The following QRFPR variants were observed in gnomAD, a reference collection of about 807,000 sequenced individuals.
The protein encoded by QRFPR is pyroglutamylated RFamide peptide receptor.
In QRFPR, 37 loss-of-function variants were observed where a neutral mutation model predicts 31.3. That is an observed-to-expected ratio of 1.18 (90% confidence interval 0.91 to 1.56). The LOEUF is 1.56. Ranked by LOEUF, QRFPR falls within the 40% of genes most tolerant of loss-of-function variation. The pLI is 0.00. For synonymous variants in QRFPR, 197 were observed against 192.0 expected, an observed-to-expected ratio of 1.03 and a Z score of -0.22; for missense variants, 542 against 532.5, an observed-to-expected ratio of 1.02 and a Z score of -0.18.
At chr4:121,340,814 T>G (rs1725529570) in intron 1 of QRFPR, among the ~76,000 whole-genome samples, 1 of 152,182 alleles carries the variant, frequency 6.6e-6, no homozygotes, top group Non-Finnish European at 1.5e-5. Context: ...TGTTCCTAAA[T>G]GCTATGCAAT....
At chr4:121,342,382 A>G (rs780366718) in intron 1 of QRFPR, among the ~76,000 whole-genome samples, 7 of 151,750 alleles carry the variant, frequency 4.6e-5, no homozygotes, top group Non-Finnish European at 8.8e-5. Flanking sequence ...GAGTGAGCCA[A>G]TCCCTCATAA....
chr4:121,365,665 T>TATATATATATTTTATATA (rs1560744329), intron 1 of QRFPR, among the ~76,000 whole-genome samples: 1 of 19,016 alleles, frequency 5.3e-5, no homozygotes, highest in Non-Finnish European at 8.5e-5. Context: ...TTATATATAT[T>TATATATATATTTTATATA]TTATATATTA....
chr4:121,373,786 T>C (rs1726298541), intron 1 of QRFPR, among the ~76,000 whole-genome samples: 1 of 152,256 alleles, frequency 6.6e-6, no homozygotes, highest in South Asian at 2.1e-4. Context: ...CCTCCTTTAA[T>C]TCATTTCACA....
At position 121,380,306 on chromosome 4, in the gene QRFPR, A is replaced by AC; in HGVS notation, c.340+1dup. ...AGCGAAGGAGCGGGGCGCGACTCTT[A>AC]CCCCCCAGCCAGTTGTCGGAAATGT... is the stretch of plus-strand genomic sequence containing the variant. On this transcript the variant is annotated splice_donor_variant, in intron 1 of 5. Transcript: ENST00000394427. LOFTEE classifies it high-confidence loss of function. 1.2e-6 allele frequency: 2 copies of AC among 1,607,196 alleles called. No homozygotes were observed. Among genetic ancestry groups the AC allele is most frequent in the Non-Finnish European group, 1.7e-6 (2 of 1,176,422 alleles).
intron 1 of QRFPR, among the ~76,000 whole-genome samples, chr4:121,358,923 G>A (rs1420479108): frequency 6.6e-6 from 1 of 152,134 alleles, no homozygotes; most frequent in Non-Finnish European, 1.5e-5. Context: ...CTAAAAGATA[G>A]GTGATATTAT....
At chr4:121,335,891 A>T (rs73845734) in intron 3 of QRFPR, among the ~76,000 whole-genome samples, 2,579 of 152,264 alleles carry the variant, frequency 0.017, 83 homozygotes, top group African/African-American at 0.059. Flanking sequence ...GGACTAAAAA[A>T]GTCCTTAGAT....
At chr4:121,379,462 A>G (rs1369713090) in intron 1 of QRFPR, among the ~76,000 whole-genome samples, 1 of 152,218 alleles carries the variant, frequency 6.6e-6, no homozygotes, top group Non-Finnish European at 1.5e-5. Context: ...CACCTTAAGC[A>G]CTGGTGAGAA....
In QRFPR at chr4:121,330,411, A is replaced by C; in HGVS notation, c.895+15T>G. On this transcript the variant is annotated intron_variant, in intron 5 of 5. Coordinates refer to ENST00000394427, the MANE Select transcript of QRFPR (RefSeq NM_198179.3). ...GAATGAGAATGTCTATCAAATGAGA[A>C]TGACAAGCACTCACTGTATTCAATC... The C allele has an allele frequency of 6.5e-7, 1 of 1,547,806 alleles. No homozygotes were observed. Among genetic ancestry groups the C allele is most frequent in the Non-Finnish European group, 8.9e-7 (1 of 1,121,108 alleles).
intron 1 of QRFPR, among the ~76,000 whole-genome samples, chr4:121,374,426 C>T (rs1460849440): frequency 6.6e-6 from 1 of 152,130 alleles, no homozygotes; most frequent in Non-Finnish European, 1.5e-5. Flanking sequence ...CAGCCTGAGT[C>T]CTGGAGCTGT....
chr4:121,378,478 T>C (rs1429462990), intron 1 of QRFPR, among the ~76,000 whole-genome samples: 2 of 149,428 alleles, frequency 1.3e-5, no homozygotes, highest in African/African-American at 2.5e-5. Context: ...AGTAGCGTGA[T>C]CTCGGCTCAC....
At chr4:121,341,708 T>C (rs1218317224) in intron 1 of QRFPR, among the ~76,000 whole-genome samples, 2 of 151,234 alleles carry the variant, frequency 1.3e-5, no homozygotes, top group Admixed American at 1.3e-4. Context: ...ATGTGTAGAC[T>C]TCGGTCTCAT....
chr4:121,357,185 C>G (rs1312140931), intron 1 of QRFPR, among the ~76,000 whole-genome samples: 1 of 151,896 alleles, frequency 6.6e-6, no homozygotes, highest in African/African-American at 2.4e-5. Context: ...TCTAGAGGCT[C>G]TAGGGGAGAA....
At chr4:121,348,790 T>G (rs1725707620) in intron 1 of QRFPR, among the ~76,000 whole-genome samples, 1 of 152,166 alleles carries the variant, frequency 6.6e-6, no homozygotes, top group Non-Finnish European at 1.5e-5. Context: ...GCTTGATTTT[T>G]GCTCCCTTAT....
intron 1 of QRFPR, among the ~76,000 whole-genome samples, chr4:121,353,143 A>T (rs1725796363): frequency 6.6e-6 from 1 of 152,026 alleles, no homozygotes; most frequent in Admixed American, 6.6e-5. Flanking sequence ...TTGATTCCAT[A>T]TCTTGGCTAT....
intron 1 of QRFPR, among the ~76,000 whole-genome samples, chr4:121,355,239 G>C (rs1191430131): frequency 6.6e-6 from 1 of 151,940 alleles, no homozygotes; most frequent in African/African-American, 2.4e-5. Flanking sequence ...TACTGCTTTT[G>C]TCTCATTATT....
chr4:121,369,915 A>G (rs910590095), intron 1 of QRFPR: 2 of 778,248 alleles, frequency 2.6e-6, no homozygotes, highest in Non-Finnish European at 4.7e-6. Context: ...ACTCTAAGGT[A>G]CTTGGTCTTC....
intron 3 of QRFPR, among the ~76,000 whole-genome samples, chr4:121,335,998 A>T (rs4555667): frequency 6.6e-6 from 1 of 152,102 alleles, no homozygotes. Flanking sequence ...GAAAAAAATC[A>T]GGTTACTTTT....
At chr4:121,372,839 C>T (rs1726277655) in intron 1 of QRFPR, among the ~76,000 whole-genome samples, 1 of 152,154 alleles carries the variant, frequency 6.6e-6, no homozygotes, top group Non-Finnish European at 1.5e-5. Flanking sequence ...TCGATGGACA[C>T]TTGGTTTGAG....
chr4:121,376,145 C>A (rs943662629), intron 1 of QRFPR, among the ~76,000 whole-genome samples: 2 of 152,134 alleles, frequency 1.3e-5, no homozygotes, highest in African/African-American at 2.4e-5. Context: ...AGGGCCATGG[C>A]AGAGCAACTC....
Sources: gnomAD v4.1 joint callset for allele counts (sites outside exome capture counted in the v4.1 genomes callset) on GRCh38, gnomAD v4.1.1 for gene constraint, MANE v1.5 for transcripts, NCBI Gene and HGNC (gene_info 2026-07-23, HGNC 2026-07-21) for gene names.